TEKT5: variants seen among roughly 807,000 people sequenced by gnomAD.
TEKT5 encodes tektin 5.
A neutral mutation model predicts 48.7 loss-of-function variants in TEKT5; 52 were observed. The observed-to-expected ratio is 1.07, with a 90% CI of 0.86 to 1.35. The LOEUF is 1.35. Among genes scored for constraint, TEKT5 ranks in the 40% most tolerant of loss-of-function variants. The probability of loss-of-function intolerance (pLI) is 0.00; values close to 1 mark genes in which losing one functional copy is unlikely to be tolerated. For synonymous variants in TEKT5, 318 were observed against 267.6 expected, an observed-to-expected ratio of 1.19 and a Z score of -1.84; for missense variants, 831 against 641.6, an observed-to-expected ratio of 1.30 and a Z score of -3.19.
chr16:10,656,235 C>A (rs1427934484), intron 5 of TEKT5, among the ~76,000 whole-genome samples: 6 of 152,136 alleles, frequency 3.9e-5, no homozygotes, highest in African/African-American at 1.4e-4. Context: ...AGGTTGAGAA[C>A]CACTGCTCTT....
At chr16:10,685,283 C>A (rs748412579) in intron 3 of TEKT5, among the ~76,000 whole-genome samples, 45 of 152,076 alleles carry the variant, frequency 3.0e-4, no homozygotes, top group Non-Finnish European at 5.4e-4. Flanking sequence ...CAAGCTCAAG[C>A]ATCTCCCTCT....
At chr16:10,672,080 G>A (rs1036996865) in intron 5 of TEKT5, among the ~76,000 whole-genome samples, 4 of 152,114 alleles carry the variant, frequency 2.6e-5, no homozygotes, top group African/African-American at 9.7e-5. Flanking sequence ...TTCTGGAGAT[G>A]GATTGTGGTG....
intron 6 of TEKT5, 135 bp from the exon 7 acceptor site, chr16:10,627,934 C>A (rs1034063148): frequency 5.7e-6 from 4 of 699,408 alleles, no homozygotes; most frequent in Non-Finnish European, 9.1e-6. Flanking sequence ...CCTCTGCCTC[C>A]CGGGTTCAAG....
At chr16:10,689,521 C>CTTT (rs35713504) in intron 2 of TEKT5, among the ~76,000 whole-genome samples, 198 bp from the exon 3 acceptor site, 4 of 105,532 alleles carry the variant, frequency 3.8e-5, no homozygotes, top group African/African-American at 7.5e-5. Context: ...GAGGCTCCAC[C>CTTT]TTTTTTTTTT....
At chr16:10,635,693 C>A in intron 6 of TEKT5, 71 bp downstream of exon 6, 2 of 1,562,946 alleles carry the variant, frequency 1.3e-6, no homozygotes, top group Non-Finnish European at 1.7e-6. Context: ...CCTAGAAGCT[C>A]CTGAGACTCA....
At chr16:10,691,994 G>A (rs1269669256) in intron 1 of TEKT5, among the ~76,000 whole-genome samples, 11 of 151,904 alleles carry the variant, frequency 7.2e-5, no homozygotes, top group African/African-American at 2.7e-4. Flanking sequence ...GCCATCAAGG[G>A]AACCAGTGGC....
chr16:10,664,804 T>C (rs1350420783), intron 5 of TEKT5, among the ~76,000 whole-genome samples: 1 of 152,230 alleles, frequency 6.6e-6, no homozygotes, highest in East Asian at 1.9e-4. Context: ...TTCTTTCCGT[T>C]ACTTTGTCAT....
intron 5 of TEKT5, among the ~76,000 whole-genome samples, chr16:10,653,236 T>G (rs1898199659): frequency 6.6e-6 from 1 of 152,198 alleles, no homozygotes; most frequent in African/African-American, 2.4e-5. Context: ...CAGCCCTGCC[T>G]TCCCCGCCCA....
Position 10,635,766 on chromosome 16 carries a change from C to A in TEKT5, c.1239G>T (p.Leu413Phe). 1 of 1,611,270 alleles carries A rather than the reference C, an allele frequency of 6.2e-7. No individual in the cohort carries two copies. The highest frequency in any genetic ancestry group is 1.1e-5 in the South Asian group (1 of 90,912). ...NMELCRDIPQLKLVNEVFTID... is the reference protein window; with the variant it reads ...NMELCRDIPQFKLVNEVFTID... ...CTCCTCTGGCCTCCCTCACTTACTT[C>A]AACTGCGGGATGTCCCTGCACAGCT... The change falls in exon 6 of 7, where the codon TTG becomes TTT. Residue 413 changes from leucine to phenylalanine, a missense_variant and splice_region_variant. By Grantham distance (22) the Leu-to-Phe change is conservative. Coordinates refer to ENST00000283025, the MANE Select transcript of TEKT5 (RefSeq NM_144674.2).
At chr16:10,674,300 G>T (rs185237149) in intron 5 of TEKT5, among the ~76,000 whole-genome samples, 4 of 151,908 alleles carry the variant, frequency 2.6e-5, no homozygotes, top group Non-Finnish European at 5.9e-5. Context: ...ACCCACCCTT[G>T]CTCCCTCCCT....
chr16:10,680,647 G>A (rs1898730569), intron 4 of TEKT5, among the ~76,000 whole-genome samples: 1 of 151,490 alleles, frequency 6.6e-6, no homozygotes, highest in South Asian at 2.1e-4. Flanking sequence ...AAGAAAATGT[G>A]GCACATATAC....
At position 10,665,973 on chromosome 16, in the gene TEKT5, G is replaced by A. The variant is rs113821338; in HGVS notation, c.1086+9986C>T. On this transcript the variant is annotated intron_variant, in intron 5 of 6. Transcript: ENST00000283025. ...GTCTTCAACAGAACAGGGGCTGGGCGCGGTGGCTCAGGCCTGTAATCCCAG... is the reference window on the plus strand; with the variant it reads ...GTCTTCAACAGAACAGGGGCTGGGCACGGTGGCTCAGGCCTGTAATCCCAG... 4.0e-3 allele frequency among the ~76,000 whole-genome samples: 616 copies of A among 152,310 alleles called. 3 individuals are homozygous for A. Among genetic ancestry groups the A allele is most frequent in the African/African-American group, 0.014 (580 of 41,572 alleles).
intron 6 of TEKT5, among the ~76,000 whole-genome samples, chr16:10,634,330 A>G (rs1416562934): frequency 6.6e-6 from 1 of 152,168 alleles, no homozygotes; most frequent in Non-Finnish European, 1.5e-5. Context: ...TGCCCAAGGA[A>G]GCCTGAGGAT....
intron 3 of TEKT5, among the ~76,000 whole-genome samples, chr16:10,685,578 T>G (rs2719725): frequency 6.6e-6 from 1 of 152,144 alleles, no homozygotes; most frequent in Non-Finnish European, 1.5e-5. Flanking sequence ...ATTACAGACA[T>G]GAGCCTCCAC....
intron 5 of TEKT5, among the ~76,000 whole-genome samples, chr16:10,661,998 G>C (rs554477503): frequency 1.3e-5 from 2 of 152,264 alleles, no homozygotes; most frequent in Admixed American, 6.5e-5. Context: ...CATCTGCCTA[G>C]CCATCTACCT....
intron 5 of TEKT5, among the ~76,000 whole-genome samples, chr16:10,665,487 C>T (rs12932977): frequency 0.12 from 17,979 of 152,142 alleles, 1,165 homozygotes; most frequent in East Asian, 0.27. Context: ...CTCCCGTGTT[C>T]GTTCTCTCCA....
At chr16:10,628,139 C>A (rs1358487211) in intron 6 of TEKT5, among the ~76,000 whole-genome samples, 2 of 152,128 alleles carry the variant, frequency 1.3e-5, no homozygotes. Context: ...AGCTATGGTG[C>A]CCGACCTAGC....
chr16:10,627,770 T>C lies in TEKT5; in HGVS notation c.1271A>G (p.Asp424Gly). 1 of 1,614,214 alleles carries C rather than the reference T, an allele frequency of 6.2e-7. No individual in the cohort carries two copies. The highest frequency in any genetic ancestry group is 8.5e-7 in the Non-Finnish European group (1 of 1,180,046). ...KLVNEVFTID[D>G]TLQTLKLRLR... is the part of the protein sequence containing the mutation. The stretch of plus-strand genomic sequence containing the variant: ...CCGCAGCTTGAGGGTCTGCAGGGTG[T>C]CGTCGATGGTGAACACCTCGTTCAC... Residue 424 changes from aspartate (D) to glycine (G), a missense_variant, in exon 7 of 7, where the codon GAC becomes GGC. Asp to Gly is a moderately conservative substitution (Grantham distance 94, BLOSUM62 -1). Coordinates refer to ENST00000283025, the MANE Select transcript of TEKT5 (RefSeq NM_144674.2).
chr16:10,653,857 G>A (rs1166579352), intron 5 of TEKT5, among the ~76,000 whole-genome samples: 1 of 152,176 alleles, frequency 6.6e-6, no homozygotes, highest in African/African-American at 2.4e-5. Flanking sequence ...AATTTGCAGT[G>A]AGCCGAGACC....
Sources: allele counts gnomAD v4.1 joint callset (sites outside exome capture counted in the v4.1 genomes callset), GRCh38; gene constraint gnomAD v4.1.1; transcripts MANE v1.5; gene names NCBI Gene and HGNC (gene_info 2026-07-23, HGNC 2026-07-21).